The following TNPO1 variants were observed in gnomAD, a reference collection of about 807,000 sequenced individuals.
The protein encoded by TNPO1 is transportin 1, also known as transportin-1.
Under a neutral mutation model 119.5 loss-of-function variants are expected in TNPO1, and 8 were observed. The observed-to-expected ratio is 0.07, with a 90% CI of 0.04 to 0.12. The LOEUF is 0.12. Among genes scored for constraint, TNPO1 ranks in the 10% least tolerant of loss-of-function variants. The pLI is 1.00. For missense variants in TNPO1, 576 were observed against 1,089.8 expected (o/e 0.53, Z 6.64); for synonymous variants, 362 against 363.0 (o/e 1.00, Z 0.03).
intron 1 of TNPO1, among the ~76,000 whole-genome samples, chr5:72,824,350 A>C (rs1211914296): frequency 6.6e-6 from 1 of 152,224 alleles, no homozygotes; most frequent in Non-Finnish European, 1.5e-5. Flanking sequence ...TTCTCAAAAT[A>C]GTTGTCTGTA....
rs1340904826 is a variant in TNPO1, at chr5:72,872,589, T to C, written c.597-50T>C. Reference sequence around the variant, plus strand: ...AATGTTTTTACCAATTTTCTATAGATAGAACAAAGTTACAATGAGCATATG... The same window carrying C: ...AATGTTTTTACCAATTTTCTATAGACAGAACAAAGTTACAATGAGCATATG... On this transcript the variant is annotated intron_variant, in intron 6 of 24. Coordinates refer to ENST00000337273, the MANE Select transcript of TNPO1 (RefSeq NM_002270.4). 3.7e-6 allele frequency: 5 copies of C among 1,344,912 alleles called. No individual in the cohort carries two copies. In the African/African-American group the frequency reaches 5.8e-5, roughly 16 times the overall value. The allele number at this position is 1,344,912 out of a possible 1,614,324, so 83.3% of individuals were successfully genotyped here.
At chr5:72,898,204 A>G (rs1158277121) in intron 20 of TNPO1, among the ~76,000 whole-genome samples, 3 of 152,140 alleles carry the variant, frequency 2.0e-5, no homozygotes, top group Admixed American at 1.3e-4. Flanking sequence ...CAGATTTGAA[A>G]GACTTGCCAT....
intron 20 of TNPO1, among the ~76,000 whole-genome samples, chr5:72,899,497 C>T (rs933825823): frequency 1.3e-5 from 2 of 151,926 alleles, no homozygotes; most frequent in East Asian, 1.9e-4. Flanking sequence ...GTTTAAATTC[C>T]CTAGATAATT....
At chr5:72,828,076 AG>A (rs1275811591) in intron 1 of TNPO1, among the ~76,000 whole-genome samples, 1 of 152,144 alleles carries the variant, frequency 6.6e-6, no homozygotes, top group East Asian at 1.9e-4. Context: ...AGTGAATAGA[AG>A]GGGGTCTAGG....
chr5:72,858,633 C>T (rs964989028), intron 4 of TNPO1, among the ~76,000 whole-genome samples: 13 of 152,210 alleles, frequency 8.5e-5, no homozygotes, highest in African/African-American at 2.4e-4. Context: ...GTCAGGAGAT[C>T]GAAACCATCC....
rs1250706810 is a variant in TNPO1, at chr5:72,912,999, C to CT, written c.*4327dup. 2 of 152,432 alleles carry CT rather than the reference C, an allele frequency of 1.3e-5. No homozygotes were observed. Among genetic ancestry groups the CT allele is most frequent in the Non-Finnish European group, 2.9e-5 (2 of 67,890 alleles). The allele number at this position is 152,432 out of a possible 1,614,324, so 9.4% of individuals were successfully genotyped here. On this transcript the variant is annotated 3_prime_UTR_variant, in exon 25 of 25. Transcript: ENST00000337273. ...TTGCAAATAATACAAGGAGGGGAAA[C>CT]TAACTTGCTACTAGTGTTGTTAATG...
rs746451768 is a variant in TNPO1, at chr5:72,882,448, T to C, written c.921-19T>C. ...TTGAGATCTTAAGGTCTTTGTTTCA[T>C]GAATTTCTTTCTTTATAGGTTGATT... On this transcript the variant is annotated intron_variant, in intron 9 of 24. Coordinates refer to ENST00000337273, the MANE Select transcript of TNPO1 (RefSeq NM_002270.4). The C allele has an allele frequency of 6.3e-7, 1 of 1,594,116 alleles. No individual in the cohort carries two copies. Among genetic ancestry groups the C allele is most frequent in the South Asian group, 1.1e-5 (1 of 88,308 alleles).
At chr5:72,843,881 A>C (rs764757607) in intron 1 of TNPO1, among the ~76,000 whole-genome samples, 1 of 152,162 alleles carries the variant, frequency 6.6e-6, no homozygotes, top group Non-Finnish European at 1.5e-5. Flanking sequence ...TTCCTATTGT[A>C]CTTTACCATA....
intron 11 of TNPO1, among the ~76,000 whole-genome samples, chr5:72,884,530 A>G (rs1748478446): frequency 6.6e-6 from 1 of 152,204 alleles, no homozygotes; most frequent in Admixed American, 6.5e-5. Context: ...TGTTATAGTC[A>G]AAATTTATGA....
chr5:72,832,159 TGTTGA>T (rs1183365773), intron 1 of TNPO1, among the ~76,000 whole-genome samples: 5 of 152,088 alleles, frequency 3.3e-5, no homozygotes, highest in Admixed American at 1.3e-4. Context: ...CAATATAGAT[TGTTGA>T]GTTATTTCTT....
intron 23 of TNPO1, among the ~76,000 whole-genome samples, chr5:72,904,450 G>C (rs531771445): frequency 1.3e-5 from 2 of 152,220 alleles, no homozygotes; most frequent in South Asian, 4.1e-4. Flanking sequence ...TATGCTATGA[G>C]GTACTTTTAG....
At chr5:72,875,541 A>C (rs1004179944) in intron 7 of TNPO1, 74 bp from the exon 8 acceptor site, 4 of 1,520,554 alleles carry the variant, frequency 2.6e-6, no homozygotes, top group African/African-American at 1.4e-5. Context: ...TTTAAATGTC[A>C]CCAACTTGCA....
At chr5:72,859,982 G>A (rs1180768331) in intron 4 of TNPO1, among the ~76,000 whole-genome samples, 3 of 152,094 alleles carry the variant, frequency 2.0e-5, no homozygotes, top group African/African-American at 4.8e-5. Flanking sequence ...GCTGCTTTTG[G>A]ATCTTAATGG....
At chr5:72,859,907 C>G (rs1746295070) in intron 4 of TNPO1, among the ~76,000 whole-genome samples, 1 of 152,184 alleles carries the variant, frequency 6.6e-6, no homozygotes, top group Non-Finnish European at 1.5e-5. Context: ...AGATCTTGCT[C>G]ATTCCCTTAT....
chr5:72,829,985 CAAT>C (rs570595509), intron 1 of TNPO1, among the ~76,000 whole-genome samples: 278 of 152,128 alleles, frequency 1.8e-3, no homozygotes, highest in African/African-American at 6.5e-3. Flanking sequence ...AAGTAGGAAA[CAAT>C]AAAACCATAA....
chr5:72,841,116 TCTC>T, intron 1 of TNPO1, among the ~76,000 whole-genome samples: 1 of 111,382 alleles, frequency 9.0e-6, no homozygotes, highest in African/African-American at 2.7e-5. Flanking sequence ...TTAGACTCTC[TCTC>T]TTTTTTTTTT....
chr5:72,826,101 A>G (rs1744195127), intron 1 of TNPO1, among the ~76,000 whole-genome samples: 1 of 151,914 alleles, frequency 6.6e-6, no homozygotes, highest in African/African-American at 2.4e-5. Flanking sequence ...TACTTCTTCC[A>G]CATATCTGCT....
At chr5:72,883,273 A>G in intron 11 of TNPO1, 41 bp downstream of exon 11, 2 of 918,062 alleles carry the variant, frequency 2.2e-6, no homozygotes, top group South Asian at 1.4e-5. Flanking sequence ...TACTTTGATG[A>G]TAACTTTATT....
chr5:72,851,351 A>G (rs781219559), intron 3 of TNPO1, 32 bp downstream of exon 3: 111 of 1,232,812 alleles, frequency 9.0e-5, no homozygotes, highest in Non-Finnish European at 1.2e-4. Context: ...AACTATTTAA[A>G]GTTTCTTTAA....
Sources: allele counts gnomAD v4.1 joint callset (sites outside exome capture counted in the v4.1 genomes callset), GRCh38; gene constraint gnomAD v4.1.1; transcripts MANE v1.5; gene names NCBI Gene and HGNC (gene_info 2026-07-23, HGNC 2026-07-21).